Variants in OR4K1 observed in about 807,000 individuals in gnomAD.
OR4K1 encodes the protein olfactory receptor family 4 subfamily K member 1.
A neutral mutation model predicts 14.4 loss-of-function variants in OR4K1; 16 were observed. The ratio of observed to expected loss-of-function variants is 1.11; its 90% CI spans 0.75 to 1.68. OR4K1 has a LOEUF of 1.68. Among genes scored for constraint, OR4K1 ranks in the 40% most tolerant of loss-of-function variants. OR4K1 has a pLI of 0.00. For missense variants in OR4K1, 548 were observed against 376.9 expected (o/e 1.45, Z -3.76); for synonymous variants, 181 against 133.1 (o/e 1.36, Z -2.48).
chr14:19,923,941 G>GACAGAC, the OR4K1 span, among the ~76,000 whole-genome samples: 1 of 152,184 alleles, frequency 6.6e-6, no homozygotes, highest in South Asian at 2.1e-4. Flanking sequence ...ACTAGACTCT[G>GACAGAC]ACAGATACAG....
rs372704933 is a variant in OR4K1 at position 19,936,078 on chromosome 14, C to T, written c.412C>T (p.Arg138Trp). ...TCTGCACTACAGTACAATTATGAAC[C>T]GGAGGCTCTGTGTAATTTTTGTGTC... ...KPLHYSTIMN[R>W]RLCVIFVSIS... Residue 138 changes from arginine (R) to tryptophan (W), a missense_variant, in exon 2 of 2, where the codon CGG becomes TGG. By Grantham distance (101) the Arg-to-Trp change is moderately radical (BLOSUM62 -3). Transcript: ENST00000641172. 3.6e-5 allele frequency: 58 copies of T among 1,614,096 alleles called. No homozygotes were observed. Among genetic ancestry groups the T allele is most frequent in the East Asian group, 4.5e-5 (2 of 44,906 alleles).
At position 19,935,747 on chromosome 14, in the gene OR4K1, T is replaced by C. The variant is rs2138597563; in HGVS notation, c.81T>C (p.Phe27=). ...ATTCCTGGGGACTTCAACTTTTCTTTTTTGCCATCTTCTCTATAGTCTATG... is the reference window on the plus strand; with the variant it reads ...ATTCCTGGGGACTTCAACTTTTCTTCTTTGCCATCTTCTCTATAGTCTATG... The part of the protein sequence containing the change: ...LSNSWGLQLF[F]FAIFSIVYVT... The change falls in exon 2 of 2, where the codon TTT becomes TTC. Residue 27 remains phenylalanine (F), a synonymous_variant. Transcript: ENST00000641172. 2 of 1,614,018 alleles carry C rather than the reference T, an allele frequency of 1.2e-6. No homozygotes were observed. Among genetic ancestry groups the C allele is most frequent in the East Asian group, 2.2e-5 (1 of 44,886 alleles).
At chr14:19,932,815 A>T (rs1284685463) in intron 1 of OR4K1, among the ~76,000 whole-genome samples, 1 of 152,148 alleles carries the variant, frequency 6.6e-6, no homozygotes, top group Non-Finnish European at 1.5e-5. Flanking sequence ...GTACAAATGC[A>T]TGCCATATGC....
intron 1 of OR4K1, chr14:19,931,393 A>C (rs1435860361): frequency 6.6e-6 from 1 of 152,350 alleles, no homozygotes; most frequent in African/African-American, 2.4e-5. Context: ...TAAACAGAGG[A>C]ACATATGTTA....
At chr14:19,935,254 T>C (rs749040382) in intron 1 of OR4K1, among the ~76,000 whole-genome samples, 2 of 152,264 alleles carry the variant, frequency 1.3e-5, no homozygotes, top group Non-Finnish European at 2.9e-5. Context: ...TTTCAAACTT[T>C]AGAGAAGTTT....
At chr14:19,932,354 C>T (rs151029616) in intron 1 of OR4K1, among the ~76,000 whole-genome samples, 521 of 151,078 alleles carry the variant, frequency 3.4e-3, no homozygotes, top group East Asian at 0.023. Flanking sequence ...CCTCCTCCTC[C>T]TCTTGCTCCT....
upstream of OR4K1, among the ~76,000 whole-genome samples, chr14:19,929,108 A>G (rs1044399568): frequency 6.6e-6 from 1 of 151,768 alleles, no homozygotes. Context: ...TCTAATTTTT[A>G]AAACTTAATC....
At chr14:19,922,172 C>T in the OR4K1 span, among the ~76,000 whole-genome samples, 62 of 152,180 alleles carry the variant, frequency 4.1e-4, no homozygotes, top group African/African-American at 1.4e-3. Flanking sequence ...CATTTTAAAC[C>T]TTTCATTTAA....
the OR4K1 span, chr14:19,920,762 T>C: frequency 6.2e-7 from 1 of 1,614,190 alleles, no homozygotes; most frequent in Non-Finnish European, 8.5e-7. Context: ...TGACTTCTGA[T>C]ACCAGCCTGC....
In OR4K1 at chr14:19,935,756, C is replaced by T; in HGVS notation, c.90C>T (p.Ile30=). 6.2e-7 allele frequency: 1 copy of T among 1,613,642 alleles called. No homozygotes were observed. The highest frequency in any genetic ancestry group is 8.5e-7 in the Non-Finnish European group (1 of 1,179,870). Residue 30 remains isoleucine (I), a synonymous_variant, in exon 2 of 2, where the codon ATC becomes ATT. Coordinates refer to ENST00000641172, the MANE Select transcript of OR4K1 (RefSeq NM_001004063.3). The part of the protein sequence containing the change: ...SWGLQLFFFA[I]FSIVYVTSVL... The stretch of plus-strand genomic sequence containing the variant: ...GACTTCAACTTTTCTTTTTTGCCAT[C>T]TTCTCTATAGTCTATGTGACATCAG...
rs1882285178 is a variant in OR4K1, at chr14:19,935,539, T to A, written c.-19-109T>A. ...ACATACGTAAATATATGTAACCTAA[T>A]TAAATTGACTATTTCTTTTGTTTAG... On this transcript the variant is annotated intron_variant, in intron 1 of 1. Coordinates refer to ENST00000641172, the MANE Select transcript of OR4K1 (RefSeq NM_001004063.3). The A allele has an allele frequency of 3.4e-6, 3 of 885,238 alleles. No homozygotes were observed. In the South Asian group the frequency reaches 5.3e-5, roughly 16 times the overall value. 54.8% of individuals were successfully genotyped at this position (885,238 alleles called of 1,614,324 possible).
the OR4K1 span, among the ~76,000 whole-genome samples, chr14:19,920,300 A>T: frequency 6.6e-6 from 1 of 152,238 alleles, no homozygotes; most frequent in South Asian, 2.1e-4. Context: ...TGTTGTCATG[A>T]GTCAGCTCCT....
the OR4K1 span, chr14:19,921,791 A>G: frequency 2.0e-6 from 1 of 507,706 alleles, no homozygotes. Flanking sequence ...GAAATAAAAT[A>G]TGGGCACTAG....
At chr14:19,923,879 C>G in the OR4K1 span, among the ~76,000 whole-genome samples, 1 of 152,172 alleles carries the variant, frequency 6.6e-6, no homozygotes, top group Non-Finnish European at 1.5e-5. Flanking sequence ...GTTGCTAATT[C>G]TTTATATTAA....
At chr14:19,934,174 T>C (rs1404600807) in intron 1 of OR4K1, among the ~76,000 whole-genome samples, 1 of 152,246 alleles carries the variant, frequency 6.6e-6, no homozygotes, top group Non-Finnish European at 1.5e-5. Flanking sequence ...AAATATCTGT[T>C]GTGTACTGTT....
At chr14:19,932,680 C>G (rs1253605908) in intron 1 of OR4K1, among the ~76,000 whole-genome samples, 1 of 152,204 alleles carries the variant, frequency 6.6e-6, no homozygotes, top group Non-Finnish European at 1.5e-5. Context: ...AAGTATACAA[C>G]TTACTAGTAG....
chr14:19,922,177 A>T, the OR4K1 span, among the ~76,000 whole-genome samples: 16 of 152,262 alleles, frequency 1.1e-4, no homozygotes, highest in East Asian at 2.9e-3. Flanking sequence ...TAAACCTTTC[A>T]TTTAAAGGGC....
At chr14:19,921,676 T>C in the OR4K1 span, 1 of 1,241,670 alleles carries the variant, frequency 8.1e-7, no homozygotes, top group Non-Finnish European at 1.1e-6. Context: ...GTGAAGAAGA[T>C]AATATAGAGA....
rs760067830 is a variant in OR4K1, at chr14:19,935,867, T to C, written c.201T>C (p.Ser67=). Residue 67 remains serine (S), a synonymous_variant, in exon 2 of 2, where the codon TCT becomes TCC. Coordinates refer to ENST00000641172, the MANE Select transcript of OR4K1 (RefSeq NM_001004063.3). ...TGTACTTCTTGCTCAGTAATCTTTC[T>C]TTCATTGATATCTGTCAGTCTAACT... ...SPMYFLLSNL[S]FIDICQSNFA... 3.1e-6 allele frequency: 5 copies of C among 1,614,272 alleles called. No homozygotes were observed. Among genetic ancestry groups the C allele is most frequent in the Non-Finnish European group, 4.2e-6 (5 of 1,180,048 alleles).
Sources: allele counts gnomAD v4.1 joint callset (sites outside exome capture counted in the v4.1 genomes callset), GRCh38; gene constraint gnomAD v4.1.1; transcripts MANE v1.5; gene names NCBI Gene and HGNC (gene_info 2026-07-23, HGNC 2026-07-21).